The following CNTN4 variants were observed in gnomAD, a reference collection of about 807,000 sequenced individuals.
CNTN4 encodes contactin-4.
CNTN4 carries 77 observed loss-of-function variants against 122.5 expected under a neutral mutation model. That is an observed-to-expected ratio of 0.63 (90% CI 0.52 to 0.76). CNTN4 has a LOEUF of 0.76. CNTN4 is among the 30% of genes least tolerant of loss of function. The pLI is 0.00. For missense variants in CNTN4, 1,256 were observed against 1,259.1 expected (o/e 1.00, Z 0.04); for synonymous variants, 512 against 447.0 (o/e 1.15, Z -1.83).
chr3:2,554,856 A>T (rs1340864222), intron 3 of CNTN4, among the ~76,000 whole-genome samples: 1 of 152,218 alleles, frequency 6.6e-6, no homozygotes, highest in Non-Finnish European at 1.5e-5. Flanking sequence ...GCCCCAAATG[A>T]GGTCCCAAAA....
intron 13 of CNTN4, among the ~76,000 whole-genome samples, chr3:2,943,259 T>C (rs2151520682): frequency 6.6e-6 from 1 of 152,236 alleles, no homozygotes; most frequent in South Asian, 2.1e-4. Context: ...AGTCTCAAGT[T>C]TTTCCTGATG....
chr3:2,161,291 A>C (rs2035957833), intron 2 of CNTN4, among the ~76,000 whole-genome samples: 1 of 152,152 alleles, frequency 6.6e-6, no homozygotes. Flanking sequence ...TCTGGGCTGC[A>C]TTATAAGAAA....
At chr3:2,597,385 A>G (rs1324969218) in intron 4 of CNTN4, among the ~76,000 whole-genome samples, 1 of 152,184 alleles carries the variant, frequency 6.6e-6, no homozygotes. Flanking sequence ...TTTATGAAGT[A>G]TTAGGAGCTT....
At position 2,485,309 on chromosome 3, in the gene CNTN4, G is replaced by A. The variant is rs538716741; in HGVS notation, c.-88-86107G>A. On this transcript the variant is annotated intron_variant, in intron 3 of 24. Coordinates refer to ENST00000418658, the MANE Select transcript of CNTN4 (RefSeq NM_175607.3). ...GAGGAGGGCGGGCACGCGGTGGCAC[G>A]GGACTGGTGGCCAACTCCGCCTGTG... 5.4e-3 allele frequency among the ~76,000 whole-genome samples: 816 copies of A among 152,352 alleles called. 7 individuals are homozygous for A. The highest frequency in any genetic ancestry group is 0.017 in the Middle Eastern group (5 of 294).
intron 4 of CNTN4, among the ~76,000 whole-genome samples, chr3:2,653,310 A>G (rs1311994507): frequency 6.6e-6 from 1 of 152,152 alleles, no homozygotes; most frequent in African/African-American, 2.4e-5. Flanking sequence ...CTTTTAAACT[A>G]CTAGTTTCTT....
intron 2 of CNTN4, among the ~76,000 whole-genome samples, chr3:2,283,324 TG>T (rs1181411006): frequency 6.6e-6 from 1 of 152,122 alleles, no homozygotes; most frequent in Non-Finnish European, 1.5e-5. Context: ...ATATCAGGGA[TG>T]CATTTGGATA....
intron 2 of CNTN4, among the ~76,000 whole-genome samples, chr3:2,293,033 T>G (rs1356094051): frequency 1.3e-5 from 2 of 152,224 alleles, no homozygotes; most frequent in African/African-American, 4.8e-5. Flanking sequence ...AGGTTTCATT[T>G]GTGTCCACAT....
chr3:2,983,721 C>G (rs775413674), intron 13 of CNTN4, among the ~76,000 whole-genome samples: 1 of 152,170 alleles, frequency 6.6e-6, no homozygotes, highest in Non-Finnish European at 1.5e-5. Flanking sequence ...GTAGTAGAAG[C>G]ATGATTTGAG....
intron 4 of CNTN4, among the ~76,000 whole-genome samples, chr3:2,686,418 C>G (rs2085432648): frequency 6.6e-6 from 1 of 152,148 alleles, no homozygotes; most frequent in Non-Finnish European, 1.5e-5. Context: ...CCGACACACA[C>G]CCCATCTCCT....
intron 2 of CNTN4, among the ~76,000 whole-genome samples, chr3:2,205,061 A>G (rs2038276647): frequency 6.6e-6 from 1 of 151,986 alleles, no homozygotes; most frequent in African/African-American, 2.4e-5. Context: ...AACATGAATT[A>G]TCTTTTTTCT....
At chr3:3,044,776 G>A (rs369407955) in intron 23 of CNTN4, among the ~76,000 whole-genome samples, 1 of 152,196 alleles carries the variant, frequency 6.6e-6, no homozygotes, top group Non-Finnish European at 1.5e-5. Context: ...GACAGTGGGG[G>A]AAGTGCACCG....
At chr3:2,965,164 A>C (rs1182588701) in intron 13 of CNTN4, among the ~76,000 whole-genome samples, 1 of 152,194 alleles carries the variant, frequency 6.6e-6, no homozygotes, top group Non-Finnish European at 1.5e-5. Context: ...AATTCAGCTG[A>C]TCATCACCGT....
intron 2 of CNTN4, among the ~76,000 whole-genome samples, chr3:2,256,019 A>T (rs911022835): frequency 6.6e-6 from 1 of 152,164 alleles, no homozygotes; most frequent in Non-Finnish European, 1.5e-5. Context: ...TTTTGAAAAG[A>T]TTAGCAAAAT....
At chr3:2,557,456 G>C (rs1262028388) in intron 3 of CNTN4, among the ~76,000 whole-genome samples, 2 of 152,160 alleles carry the variant, frequency 1.3e-5, no homozygotes, top group African/African-American at 4.8e-5. Context: ...GGCCAGGCAT[G>C]GTGGCTCACG....
intron 3 of CNTN4, among the ~76,000 whole-genome samples, chr3:2,369,182 C>G (rs1200033893): frequency 1.3e-5 from 2 of 152,152 alleles, no homozygotes; most frequent in Non-Finnish European, 2.9e-5. Context: ...CTCAACCTCC[C>G]AAAGTGCTGG....
At chr3:2,927,850 C>T (rs550890940) in intron 13 of CNTN4, among the ~76,000 whole-genome samples, 30 of 152,296 alleles carry the variant, frequency 2.0e-4, no homozygotes, top group African/African-American at 7.0e-4. Flanking sequence ...ATCGCCTCCA[C>T]CTTCTCTGTC....
intron 3 of CNTN4, among the ~76,000 whole-genome samples, chr3:2,562,278 A>AT (rs556715831): frequency 5.4e-4 from 82 of 152,256 alleles, no homozygotes; most frequent in African/African-American, 1.9e-3. Flanking sequence ...GGTTTGTTAC[A>AT]TAGGTATATT....
intron 4 of CNTN4, among the ~76,000 whole-genome samples, chr3:2,601,581 C>A (rs1264462338): frequency 1.3e-5 from 2 of 152,068 alleles, no homozygotes; most frequent in Non-Finnish European, 1.5e-5. Context: ...GTTTTGGTAC[C>A]AGTACCATGC....
intron 6 of CNTN4, among the ~76,000 whole-genome samples, chr3:2,794,470 T>C (rs2092108625): frequency 6.6e-6 from 1 of 152,206 alleles, no homozygotes; most frequent in African/African-American, 2.4e-5. Flanking sequence ...TTTTTGTTCA[T>C]AGAAAAGCAC....
Sources: allele counts gnomAD v4.1 joint callset (sites outside exome capture counted in the v4.1 genomes callset), GRCh38; gene constraint gnomAD v4.1.1; transcripts MANE v1.5; gene names NCBI Gene and HGNC (gene_info 2026-07-23, HGNC 2026-07-21).